PLEKHM3: variants seen among roughly 807,000 people sequenced by gnomAD.
PLEKHM3 encodes the protein pleckstrin homology domain containing M3, also known as pleckstrin homology domain-containing family M member 3.
Under a neutral mutation model 81.8 loss-of-function variants are expected in PLEKHM3, and 45 were observed. The observed-to-expected ratio is 0.55, with a 90% CI of 0.43 to 0.71. The LOEUF (loss-of-function observed/expected upper bound fraction) is 0.71, where lower values mean the gene tolerates loss of function less well. Among genes scored for constraint, PLEKHM3 ranks in the 30% least tolerant of loss-of-function variants. The pLI is 0.00. For missense variants in PLEKHM3, 788 were observed against 924.3 expected, an observed-to-expected ratio of 0.85 and a Z score of 1.91; for synonymous variants, 352 against 356.4, an observed-to-expected ratio of 0.99 and a Z score of 0.14.
intron 2 of PLEKHM3, among the ~76,000 whole-genome samples, chr2:207,986,413 T>G (rs1284456523): frequency 1.3e-5 from 2 of 152,190 alleles, no homozygotes; most frequent in Non-Finnish European, 2.9e-5. Context: ...TTTCAGTTTC[T>G]CTACAGGCTA....
At chr2:207,975,181 C>T (rs562925241) in intron 3 of PLEKHM3, among the ~76,000 whole-genome samples, 3 of 152,278 alleles carry the variant, frequency 2.0e-5, no homozygotes, top group Admixed American at 2.0e-4. Context: ...TCCCACTCTG[C>T]AAGTTTCTGG....
At chr2:207,969,627 G>T (rs1691042177) in intron 3 of PLEKHM3, among the ~76,000 whole-genome samples, 1 of 152,188 alleles carries the variant, frequency 6.6e-6, no homozygotes, top group Non-Finnish European at 1.5e-5. Flanking sequence ...TTAAATTAGG[G>T]ATTTAGCTTC....
At chr2:207,842,717 C>T (rs2092361396) in intron 7 of PLEKHM3, among the ~76,000 whole-genome samples, 1 of 152,098 alleles carries the variant, frequency 6.6e-6, no homozygotes, top group Non-Finnish European at 1.5e-5. Context: ...CCGATAGTCA[C>T]AATAATAAGA....
At chr2:207,966,850 C>T (rs1188040200) in intron 3 of PLEKHM3, among the ~76,000 whole-genome samples, 1 of 152,150 alleles carries the variant, frequency 6.6e-6, no homozygotes, top group East Asian at 1.9e-4. Context: ...ACCCCGCACC[C>T]AGCCTAGGAT....
rs375462705 is a variant in PLEKHM3 at position 208,023,025 on chromosome 2, CAACT to C, written c.-319+2360_-319+2363del. Among the ~76,000 whole-genome samples, 28 of 152,174 alleles carry C rather than the reference CAACT, an allele frequency of 1.8e-4. 1 individual carries two copies. Among genetic ancestry groups the C allele is most frequent in the African/African-American group, 6.7e-4 (28 of 41,530 alleles). On this transcript the variant is annotated intron_variant, in intron 1 of 7. Transcript: ENST00000427836. Reference sequence around the variant, plus strand: ...AGCTGTATTTCCATAATGGCAAAGGCAACTAACTATGAATGGGGCTGCAGCATGC... The same window carrying C: ...AGCTGTATTTCCATAATGGCAAAGGCAACTATGAATGGGGCTGCAGCATGC...
intron 3 of PLEKHM3, among the ~76,000 whole-genome samples, chr2:207,953,824 CAA>C (rs35813793): frequency 4.3e-4 from 42 of 97,560 alleles, no homozygotes; most frequent in Admixed American, 5.6e-4. Context: ...ACTCTGTCTA[CAA>C]AAAAAAAAAA....
At position 207,991,995 on chromosome 2, in the gene PLEKHM3, A is replaced by C. The variant is rs141480717; in HGVS notation, c.610+9035T>G. ...TTGAGTATTTTGTTACTTGCTTCTG[A>C]AAGCATTCTGACTGACTGAACACAT... is the stretch of plus-strand genomic sequence containing the variant. On this transcript the variant is annotated intron_variant, in intron 2 of 7. Coordinates refer to ENST00000427836, the MANE Select transcript of PLEKHM3 (RefSeq NM_001080475.3). Among the ~76,000 whole-genome samples, 34 of 152,344 alleles carry C rather than the reference A, an allele frequency of 2.2e-4. No individual in the cohort carries two copies. The East Asian group carries it at 6.6e-3, about 29-fold the overall frequency.
chr2:207,831,182 C>T (rs2092285495), intron 7 of PLEKHM3, among the ~76,000 whole-genome samples: 1 of 152,230 alleles, frequency 6.6e-6, no homozygotes, highest in African/African-American at 2.4e-5. Context: ...AGCTGCATTG[C>T]AGCCTGACTT....
chr2:207,987,996 A>C (rs1222277024), intron 2 of PLEKHM3, among the ~76,000 whole-genome samples: 1 of 152,248 alleles, frequency 6.6e-6, no homozygotes, highest in Non-Finnish European at 1.5e-5. Context: ...CTTGAGCAAG[A>C]GATAGAAATG....
chr2:207,938,460 CAAGCCAGTCACG>C (rs1689833263), intron 4 of PLEKHM3, among the ~76,000 whole-genome samples: 1 of 152,172 alleles, frequency 6.6e-6, no homozygotes, highest in Non-Finnish European at 1.5e-5. Context: ...AATGGCTATT[CAAGCCAGTCACG>C]TACTTGCTAT....
chr2:207,907,919 C>T (rs190434750), intron 6 of PLEKHM3, among the ~76,000 whole-genome samples: 1 of 152,320 alleles, frequency 6.6e-6, no homozygotes, highest in East Asian at 1.9e-4. Flanking sequence ...CTAAACATTT[C>T]ATGTAAATAG....
intron 3 of PLEKHM3, among the ~76,000 whole-genome samples, chr2:207,975,887 G>T (rs1463262073): frequency 6.9e-6 from 1 of 144,952 alleles, no homozygotes; most frequent in African/African-American, 2.6e-5. Flanking sequence ...GTGAGCCACT[G>T]CACCTGGCAC....
At chr2:207,948,018 A>G (rs1020730264) in intron 3 of PLEKHM3, among the ~76,000 whole-genome samples, 3 of 152,214 alleles carry the variant, frequency 2.0e-5, no homozygotes, top group African/African-American at 7.2e-5. Context: ...ATATATTAGT[A>G]TTAGGCTTCC....
chr2:207,994,495 C>CT lies in PLEKHM3; in HGVS notation c.610+6534dup, dbSNP rs1025235666. Among the ~76,000 whole-genome samples the CT allele has an allele frequency of 3.9e-3, 559 of 144,296 alleles. 4 individuals carry two copies. Among genetic ancestry groups the CT allele is most frequent in the African/African-American group, 0.011 (443 of 39,508 alleles). 94.7% of individuals were successfully genotyped at this position (144,296 alleles called of 152,430 possible). A position where few individuals can be genotyped will look rare whatever the true frequency, so the allele number is the denominator to read the frequency against. On this transcript the variant is annotated intron_variant, in intron 2 of 7. Coordinates refer to ENST00000427836, the MANE Select transcript of PLEKHM3 (RefSeq NM_001080475.3). ...GTGCTAAGACTAGAAATCAGCCATT[C>CT]TTTTTTTTTTTTCATTTTCTGGAGT...
intron 6 of PLEKHM3, among the ~76,000 whole-genome samples, chr2:207,876,424 G>GTC (rs918716079): frequency 1.3e-5 from 2 of 152,088 alleles, no homozygotes; most frequent in African/African-American, 4.8e-5. Context: ...GTTTTCACTT[G>GTC]TCCCTAATAA....
Position 207,976,722 on chromosome 2 carries a change from G to T in PLEKHM3, c.1475C>A (p.Thr492Asn), listed in dbSNP as rs1429851448. 1 of 1,614,188 alleles carries T rather than the reference G, an allele frequency of 6.2e-7. No individual in the cohort carries two copies. The highest frequency in any genetic ancestry group is 1.7e-5 in the Admixed American group (1 of 60,028). Residue 492 changes from threonine (T) to asparagine (N), a missense_variant, in exon 3 of 8, where the codon ACC (threonine) becomes AAC (asparagine). Transcript: ENST00000427836. The surrounding 1 kb of genome is among the most constrained non-coding windows in gnomAD (Gnocchi z 4.1). ...LRKNKRQSVT[T>N]SFLSILTTLS... ...AGTCGTCAAAATGCTCAGGAAGCTG[G>T]TAGTCACAGATTGGCGTTTGTTCTT...
chr2:207,928,693 T>C (rs1483613644), intron 5 of PLEKHM3, among the ~76,000 whole-genome samples: 6 of 152,224 alleles, frequency 3.9e-5, no homozygotes, highest in Non-Finnish European at 7.3e-5. Flanking sequence ...TTTTAAATAA[T>C]TTATCTAATG....
chr2:207,879,584 G>A (rs763982838), intron 6 of PLEKHM3, among the ~76,000 whole-genome samples: 10 of 152,198 alleles, frequency 6.6e-5, no homozygotes, highest in African/African-American at 1.9e-4. Flanking sequence ...TGACCAGACC[G>A]GGTTATGGCC....
chr2:207,988,016 G>A (rs948917801), intron 2 of PLEKHM3, among the ~76,000 whole-genome samples: 3 of 152,148 alleles, frequency 2.0e-5, no homozygotes, highest in African/African-American at 4.8e-5. Context: ...GCTAACCCCA[G>A]CAAATACAAA....
Sources: allele counts gnomAD v4.1 joint callset (sites outside exome capture counted in the v4.1 genomes callset), GRCh38; gene constraint gnomAD v4.1.1; non-coding constraint Gnocchi (gnomAD v3.1); transcripts MANE v1.5; gene names NCBI Gene and HGNC (gene_info 2026-07-23, HGNC 2026-07-21).